IPP: variants seen among roughly 807,000 people sequenced by gnomAD.
IPP encodes the protein actin-binding protein IPP.
A neutral mutation model predicts 64.1 loss-of-function variants in IPP; 41 were observed. The observed-to-expected ratio is 0.64, with a 90% CI of 0.50 to 0.83. The LOEUF is 0.83. IPP is among the 40% of genes least tolerant of loss of function. The probability of loss-of-function intolerance (pLI) is 0.00; values close to 1 mark genes in which losing one functional copy is unlikely to be tolerated. For synonymous variants in IPP, 214 were observed against 235.2 expected, an observed-to-expected ratio of 0.91 and a Z score of 0.83; for missense variants, 649 against 703.0, an observed-to-expected ratio of 0.92 and a Z score of 0.87.
chr1:45,741,039 C>G lies in IPP; in HGVS notation c.586G>C (p.Asp196His). Residue 196 changes from aspartate to histidine, a missense_variant, in exon 3 of 9, where the codon GAT becomes CAT. By Grantham distance (81) the Asp-to-His change is moderately conservative. Coordinates refer to ENST00000396478, the MANE Select transcript of IPP (RefSeq NM_005897.3). ...ILRSEELSIE[D>H]EYQVFLAAMQ... ...GCAGCTAAGAAGACCTGGTATTCAT[C>G]CTCAATGCTAAGCTCTTCACTTCGC... 6.2e-7 allele frequency: 1 copy of G among 1,614,048 alleles called. No homozygotes were observed. Among genetic ancestry groups the G allele is most frequent in the Non-Finnish European group, 8.5e-7 (1 of 1,179,964 alleles).
chr1:45,716,790 T>TCAATA (rs1450390143), intron 7 of IPP, 105 bp downstream of exon 7: 3 of 906,490 alleles, frequency 3.3e-6, no homozygotes. Context: ...TATCAGTCAT[T>TCAATA]CAATACTAAC....
intron 1 of IPP, among the ~76,000 whole-genome samples, 164 bp downstream of exon 1, chr1:45,750,433 A>G (rs1646206399): frequency 6.6e-6 from 1 of 152,204 alleles, no homozygotes; most frequent in South Asian, 2.1e-4. Context: ...GGCGACACTT[A>G]GACTGTCGGA....
chr1:45,699,330 A>G lies in IPP; in HGVS notation c.*636T>C, dbSNP rs566259694. On this transcript the variant is annotated 3_prime_UTR_variant, in exon 9 of 9. Transcript: ENST00000396478. ...ATTGGCTTTCTCTGTGGCTCAAACT[A>G]TGGCCATGGAAAATTATGCTCTGGA... The G allele has an allele frequency of 4.2e-5, 41 of 980,842 alleles. No individual in the cohort carries two copies. In the Admixed American group the frequency reaches 4.3e-4, roughly 10 times the overall value. 60.8% of individuals were successfully genotyped at this position (980,842 alleles called of 1,614,324 possible).
intron 2 of IPP, among the ~76,000 whole-genome samples, chr1:45,744,178 G>A (rs181388272): frequency 1.3e-5 from 2 of 152,226 alleles, no homozygotes; most frequent in East Asian, 1.9e-4. Context: ...TTGAGACAGT[G>A]TCTTGTTCTG....
chr1:45,725,361 C>T (rs1300123516), intron 5 of IPP, among the ~76,000 whole-genome samples: 8 of 147,782 alleles, frequency 5.4e-5, no homozygotes, highest in Non-Finnish European at 3.0e-5. Context: ...CCCCGCCCGG[C>T]CAGCCACCCC....
chr1:45,705,538 G>A (rs1474346290), intron 8 of IPP, among the ~76,000 whole-genome samples: 2 of 152,228 alleles, frequency 1.3e-5, no homozygotes, highest in Non-Finnish European at 2.9e-5. Flanking sequence ...GTGCGGTGAT[G>A]GCTCACGCCT....
At chr1:45,712,298 T>TAAAAAAAAAAAAAAAA (rs71058702) in intron 8 of IPP, among the ~76,000 whole-genome samples, 2 of 131,336 alleles carry the variant, frequency 1.5e-5, no homozygotes, top group South Asian at 2.5e-4. Context: ...AGACGACGTC[T>TAAAAAAAAAAAAAAAA]AAAAAAAAAA....
At chr1:45,735,203 C>T (rs1181036081) in intron 3 of IPP, among the ~76,000 whole-genome samples, 1 of 151,962 alleles carries the variant, frequency 6.6e-6, no homozygotes, top group African/African-American at 2.4e-5. Context: ...CCTGCCTCAG[C>T]CTCCAGAGTA....
chr1:45,719,284 G>C lies in IPP; in HGVS notation c.1105C>G (p.Gln369Glu), dbSNP rs1334753105. 6.2e-7 allele frequency: 1 copy of C among 1,612,534 alleles called. No individual in the cohort carries two copies. The highest frequency in any genetic ancestry group is 8.5e-7 in the Non-Finnish European group (1 of 1,178,886). ...TTCATCGAAGCTACAGTTGTCCACT[G>C]TTTAGTAACTGGATCATAGCATTCA... is the stretch of plus-strand genomic sequence containing the variant. ...CTECYDPVTK[Q>E]WTTVASMNHP... is the part of the protein sequence containing the mutation. The change falls in exon 6 of 9, where the codon CAG becomes GAG. Residue 369 changes from glutamine (Q) to glutamate (E), a missense_variant. By Grantham distance (29) the Gln-to-Glu change is conservative. Transcript: ENST00000396478.
intron 6 of IPP, among the ~76,000 whole-genome samples, chr1:45,718,524 T>TC (rs1394653835): frequency 1.3e-5 from 2 of 151,788 alleles, no homozygotes; most frequent in East Asian, 1.9e-4. Context: ...TCCTGTACCA[T>TC]CCCCCGCCTG....
chr1:45,732,892 C>T (rs1048108253), intron 3 of IPP, among the ~76,000 whole-genome samples: 7 of 151,940 alleles, frequency 4.6e-5, no homozygotes, highest in Non-Finnish European at 1.0e-4. Flanking sequence ...GTCTCAATCT[C>T]CTGACCTCGT....
intron 2 of IPP, among the ~76,000 whole-genome samples, chr1:45,743,682 G>A (rs1442287685): frequency 2.6e-5 from 4 of 151,828 alleles, no homozygotes; most frequent in Admixed American, 6.6e-5. Context: ...GCATTCCAGC[G>A]TGGGTGACAA....
intron 5 of IPP, among the ~76,000 whole-genome samples, chr1:45,725,474 A>G (rs1462597144): frequency 2.9e-5 from 4 of 139,822 alleles, no homozygotes; most frequent in African/African-American, 1.0e-4. Context: ...TGGGGGTGTC[A>G]GCCCCCCGCC....
At chr1:45,726,037 A>G (rs1401071182) in intron 5 of IPP, among the ~76,000 whole-genome samples, 5 of 143,640 alleles carry the variant, frequency 3.5e-5, no homozygotes, top group African/African-American at 5.1e-5. Context: ...CTATTGTCCT[A>G]TGACCCTGCC....
At chr1:45,737,319 T>C (rs1415812136) in intron 3 of IPP, among the ~76,000 whole-genome samples, 2 of 152,150 alleles carry the variant, frequency 1.3e-5, no homozygotes, top group Non-Finnish European at 2.9e-5. Flanking sequence ...TATTTGTGAA[T>C]ATACCTACTT....
At chr1:45,710,113 T>C in intron 8 of IPP, among the ~76,000 whole-genome samples, 2 of 90,150 alleles carry the variant, frequency 2.2e-5, no homozygotes, top group Non-Finnish European at 4.8e-5. Flanking sequence ...TTGTCCCAGC[T>C]ACTCGGGAGG....
At chr1:45,735,466 C>CTTTT (rs756979985) in intron 3 of IPP, among the ~76,000 whole-genome samples, 49 of 57,938 alleles carry the variant, frequency 8.5e-4, no homozygotes, top group African/African-American at 1.2e-3. Flanking sequence ...TTTAATTTTG[C>CTTTT]TTTTTTTTTT....
In IPP at chr1:45,705,667, G is replaced by A. The variant is rs145275482; in HGVS notation, c.1531-5477C>T. ...CTAAAAATACAAAAATTAGCTGGGCGTGGTGGTGCGCACCTGTAATCTCAG... is the reference window on the plus strand; with the variant it reads ...CTAAAAATACAAAAATTAGCTGGGCATGGTGGTGCGCACCTGTAATCTCAG... On this transcript the variant is annotated intron_variant, in intron 8 of 8. Transcript: ENST00000396478. 5.7e-4 allele frequency among the ~76,000 whole-genome samples: 87 copies of A among 152,196 alleles called. No individual in the cohort carries two copies. The East Asian group carries it at 0.013, about 23-fold the overall frequency.
At chr1:45,736,242 C>T (rs975509138) in intron 3 of IPP, among the ~76,000 whole-genome samples, 1 of 152,004 alleles carries the variant, frequency 6.6e-6, no homozygotes, top group African/African-American at 2.4e-5. Flanking sequence ...ACAGTTGTGA[C>T]CACCACGCCG....
Sources: gnomAD v4.1 joint callset for allele counts (sites outside exome capture counted in the v4.1 genomes callset) on GRCh38, gnomAD v4.1.1 for gene constraint, MANE v1.5 for transcripts, NCBI Gene and HGNC (gene_info 2026-07-23, HGNC 2026-07-21) for gene names.